Variants in TNPO1 observed in about 807,000 individuals in gnomAD.
The protein encoded by TNPO1 is transportin-1.
Under a neutral mutation model 119.5 loss-of-function variants are expected in TNPO1, and 8 were observed. The observed-to-expected ratio is 0.07, with a 90% CI of 0.04 to 0.12. The LOEUF is 0.12. TNPO1 is among the 10% of genes least tolerant of loss of function. The pLI, the probability that TNPO1 is intolerant of heterozygous loss-of-function variation, is 1.00. For missense variants in TNPO1, 576 were observed against 1,089.8 expected (o/e 0.53, Z 6.64); for synonymous variants, 362 against 363.0 (o/e 1.00, Z 0.03).
At chr5:72,895,891 G>C (rs971526729) in intron 18 of TNPO1, among the ~76,000 whole-genome samples, 10 of 152,144 alleles carry the variant, frequency 6.6e-5, no homozygotes, top group Non-Finnish European at 1.2e-4. Flanking sequence ...GTGACTTCAT[G>C]ATGTTCAAGC....
rs1388352271 is a variant in TNPO1, at chr5:72,911,130, T to C, written c.*2457T>C. Reference sequence around the variant, plus strand: ...TTAATATTCTGGAATAGAGAGTATTTTAAATTGAAATGACCAAATTCGATT... The same window carrying C: ...TTAATATTCTGGAATAGAGAGTATTCTAAATTGAAATGACCAAATTCGATT... On this transcript the variant is annotated 3_prime_UTR_variant, in exon 25 of 25. Transcript: ENST00000337273. The C allele has an allele frequency of 6.6e-6, 1 of 152,102 alleles. No homozygotes were observed. Among genetic ancestry groups the C allele is most frequent in the Non-Finnish European group, 1.5e-5 (1 of 67,962 alleles). The allele number at this position is 152,102 out of a possible 1,614,324, so 9.4% of individuals were successfully genotyped here.
At chr5:72,887,325 A>G (rs1156364787) in intron 12 of TNPO1, 103 bp downstream of exon 12, 1 of 1,315,818 alleles carries the variant, frequency 7.6e-7, no homozygotes, top group Non-Finnish European at 1.0e-6. Flanking sequence ...GAACCAGATA[A>G]CTAGTATTAA....
intron 5 of TNPO1, among the ~76,000 whole-genome samples, chr5:72,862,806 C>T (rs185884368): frequency 2.6e-5 from 4 of 152,020 alleles, no homozygotes; most frequent in Admixed American, 6.6e-5. Context: ...CCACCACGCC[C>T]GCCTAATTTT....
At chr5:72,843,721 AC>A (rs1297706068) in intron 1 of TNPO1, among the ~76,000 whole-genome samples, 1 of 152,212 alleles carries the variant, frequency 6.6e-6, no homozygotes, top group African/African-American at 2.4e-5. Context: ...ACTAATAGCA[AC>A]ATTTCTCACA....
chr5:72,909,661 C>A lies in TNPO1; in HGVS notation c.*988C>A, dbSNP rs544126128. On this transcript the variant is annotated 3_prime_UTR_variant, in exon 25 of 25. Coordinates refer to ENST00000337273, the MANE Select transcript of TNPO1 (RefSeq NM_002270.4). ...ACCTATGTTGCGCCAGTTTGTGTTG[C>A]AGTTTACCAATTCAATATAGCCCTG... The A allele has an allele frequency of 2.0e-5, 3 of 152,536 alleles. No individual in the cohort carries two copies. The South Asian group carries it at 6.2e-4, about 32-fold the overall frequency. The allele number at this position is 152,536 out of a possible 1,614,324, so 9.4% of individuals were successfully genotyped here.
chr5:72,884,724 C>A (rs886894648), intron 11 of TNPO1, among the ~76,000 whole-genome samples: 1 of 151,784 alleles, frequency 6.6e-6, no homozygotes, highest in Non-Finnish European at 1.5e-5. Flanking sequence ...TCAGCCTTGG[C>A]ACTATTGGCA....
rs111284303 is a variant in TNPO1 at position 72,893,261 on chromosome 5, A to G, written c.1896+15A>G. The stretch of plus-strand genomic sequence containing the variant: ...CACAAGCCATGGTAATTTTTTTAAA[A>G]TGTCTTCCTCTTCTTGACATGGTGG... On this transcript the variant is annotated intron_variant, in intron 16 of 24. Coordinates refer to ENST00000337273, the MANE Select transcript of TNPO1 (RefSeq NM_002270.4). 5.7e-4 allele frequency: 912 copies of G among 1,611,122 alleles called. 7 individuals carry two copies. In the African/African-American group the frequency reaches 0.011, roughly 19 times the overall value.
At chr5:72,846,613 G>T (rs1261424668) in intron 1 of TNPO1, among the ~76,000 whole-genome samples, 2 of 152,078 alleles carry the variant, frequency 1.3e-5, no homozygotes, top group Admixed American at 6.6e-5. Context: ...TTAAGAGAGG[G>T]AAGGGGAGAA....
At chr5:72,905,828 T>TG (rs1194799278) in intron 24 of TNPO1, among the ~76,000 whole-genome samples, 2 of 152,082 alleles carry the variant, frequency 1.3e-5, no homozygotes, top group African/African-American at 2.4e-5. Flanking sequence ...ACCTGGGAGA[T>TG]GGGGGTTGCA....
chr5:72,893,834 G>GTAAA, intron 18 of TNPO1, 131 bp downstream of exon 18: 1 of 879,392 alleles, frequency 1.1e-6, no homozygotes, highest in Non-Finnish European at 1.7e-6. Flanking sequence ...ATTGGTTAAA[G>GTAAA]TAAACTTGCT....
rs1002148286 is a variant in TNPO1, at chr5:72,909,130, T to A, written c.*457T>A. On this transcript the variant is annotated 3_prime_UTR_variant, in exon 25 of 25. Transcript: ENST00000337273. ...CAAATAGTAAAGAAGCTTTTTTTTT[T>A]TTTTTAATTTAAAGTTTTTTTATGT... 4 of 154,706 alleles carry A rather than the reference T, an allele frequency of 2.6e-5. No individual in the cohort carries two copies. Among genetic ancestry groups the A allele is most frequent in the African/African-American group, 9.7e-5 (4 of 41,430 alleles). The allele number at this position is 154,706 out of a possible 1,614,324, so 9.6% of individuals were successfully genotyped here. A position where few individuals can be genotyped will look rare whatever the true frequency, so the allele number is the denominator to read the frequency against.
At chr5:72,900,133 T>C in intron 21 of TNPO1, 52 bp downstream of exon 21, 2 of 1,458,826 alleles carry the variant, frequency 1.4e-6, no homozygotes, top group Non-Finnish European at 1.9e-6. Flanking sequence ...ACTCTTTCTT[T>C]CTCTATCTCA....
In TNPO1 at chr5:72,909,735, CATAG is replaced by C. The variant is rs1289218765; in HGVS notation, c.*1066_*1069del. On this transcript the variant is annotated 3_prime_UTR_variant, in exon 25 of 25. Transcript: ENST00000337273. ...TTGTGGATTTTATTTTTATTAAGAA[CATAG>C]ATATATAAAGTACTGTAGTTTACAG... The C allele has an allele frequency of 2.0e-5, 3 of 152,490 alleles. No individual in the cohort carries two copies. The highest frequency in any genetic ancestry group is 7.2e-5 in the African/African-American group (3 of 41,402). 9.4% of individuals were successfully genotyped at this position (152,490 alleles called of 1,614,324 possible).
At chr5:72,857,454 T>C (rs1447317536) in intron 4 of TNPO1, among the ~76,000 whole-genome samples, 1 of 152,236 alleles carries the variant, frequency 6.6e-6, no homozygotes, top group Non-Finnish European at 1.5e-5. Context: ...GATTTTACAT[T>C]TGATGGGTAG....
At chr5:72,819,198 C>A (rs1272524201) in intron 1 of TNPO1, among the ~76,000 whole-genome samples, 1 of 152,072 alleles carries the variant, frequency 6.6e-6, no homozygotes, top group African/African-American at 2.4e-5. Context: ...GGGAAGCCAC[C>A]CCAGGCAAAG....
Position 72,897,169 on chromosome 5 carries a change from T to A in TNPO1, c.2338+18T>A. 10 of 1,527,240 alleles carry A rather than the reference T, an allele frequency of 6.5e-6. No individual in the cohort carries two copies. The highest frequency in any genetic ancestry group is 2.4e-5 in the South Asian group (2 of 83,604). 94.6% of individuals were successfully genotyped at this position (1,527,240 alleles called of 1,614,324 possible). On this transcript the variant is annotated intron_variant, in intron 20 of 24. Coordinates refer to ENST00000337273, the MANE Select transcript of TNPO1 (RefSeq NM_002270.4). The stretch of plus-strand genomic sequence containing the variant: ...GAATACAGGTACCATATGACTGAAC[T>A]GTTTCAGTGAAGAGAAAATTTGTTG...
At chr5:72,858,005 TTAG>T (rs551061061) in intron 4 of TNPO1, among the ~76,000 whole-genome samples, 399 of 152,344 alleles carry the variant, frequency 2.6e-3, no homozygotes, top group African/African-American at 9.1e-3. Flanking sequence ...TTGCTGTGTA[TTAG>T]TAGAATACGA....
chr5:72,844,131 G>A (rs1002306789), intron 1 of TNPO1, among the ~76,000 whole-genome samples: 2 of 152,128 alleles, frequency 1.3e-5, no homozygotes, highest in African/African-American at 4.8e-5. Context: ...TGCTCTCAAG[G>A]AACTTGTGAT....
At position 72,878,149 on chromosome 5, in the gene TNPO1, T is replaced by TAG. The variant is rs377123489; in HGVS notation, c.920+819_920+820dup. ...ATGACGATTATATATGTGTACGCTA[T>TAG]AGAGAGAGAGAGAGAGACTGTTCTC... On this transcript the variant is annotated intron_variant, in intron 9 of 24. Coordinates refer to ENST00000337273, the MANE Select transcript of TNPO1 (RefSeq NM_002270.4). 7.3e-4 allele frequency among the ~76,000 whole-genome samples: 110 copies of TAG among 150,458 alleles called. 2 individuals are homozygous for TAG. The highest frequency in any genetic ancestry group is 1.9e-3 in the African/African-American group (79 of 41,190).
Sources: gnomAD v4.1 joint callset for allele counts (sites outside exome capture counted in the v4.1 genomes callset) on GRCh38, gnomAD v4.1.1 for gene constraint, MANE v1.5 for transcripts, NCBI Gene and HGNC (gene_info 2026-07-23, HGNC 2026-07-21) for gene names.